FAM91A1: variants seen among roughly 807,000 people sequenced by gnomAD.
FAM91A1 encodes protein FAM91A1.
FAM91A1 carries 41 observed loss-of-function variants against 113.5 expected under a neutral mutation model. The observed-to-expected ratio is 0.36, with a 90% CI of 0.28 to 0.47. The LOEUF (loss-of-function observed/expected upper bound fraction) is 0.47. Among genes scored for constraint, FAM91A1 ranks in the 20% least tolerant of loss-of-function variants. FAM91A1 has a pLI of 1.00. For synonymous variants in FAM91A1, 307 were observed against 347.9 expected (o/e 0.88, Z 1.31); for missense variants, 696 against 1,001.2 (o/e 0.70, Z 4.11).
Position 123,789,736 on chromosome 8 carries a change from C to T in FAM91A1, c.1402C>T (p.Pro468Ser). 6.2e-7 allele frequency: 1 copy of T among 1,612,000 alleles called. No homozygotes were observed. The highest frequency in any genetic ancestry group is 8.5e-7 in the Non-Finnish European group (1 of 1,179,132). ...TGCGCAAACTGCACAGCCAGACCAA[C>T]CCAATTATGGTATGATAAATATATT... ...LVAQTAQPDQ[P>S]NYGFPLDLLR... The change falls in exon 15 of 24, where the codon CCC (proline) becomes TCC (serine). Residue 468 changes from proline (P) to serine (S), a missense_variant. Pro to Ser is a moderately conservative substitution (Grantham distance 74). Transcript: ENST00000334705.
Position 123,809,015 on chromosome 8 carries a change from A to T in FAM91A1, c.2260A>T (p.Ser754Cys). The change falls in exon 22 of 24, where the codon AGC (serine) becomes TGC (cysteine). Residue 754 changes from serine to cysteine, a missense_variant and splice_region_variant. Coordinates refer to ENST00000334705, the MANE Select transcript of FAM91A1 (RefSeq NM_144963.4). The stretch of plus-strand genomic sequence containing the variant: ...TGCACATGGCCTTTGCAGAAAAGAG[A>T]GGTGAGGGTTTATATTCGCTGTCAT... ...IAAHGLCRKE[S>C]LQNLLHSSRK... 6.2e-7 allele frequency: 1 copy of T among 1,611,496 alleles called. No individual in the cohort carries two copies. The highest frequency in any genetic ancestry group is 8.5e-7 in the Non-Finnish European group (1 of 1,178,484).
At chr8:123,785,455 C>T (rs758290767) in intron 10 of FAM91A1, among the ~76,000 whole-genome samples, 174 bp from the exon 11 acceptor site, 1 of 152,172 alleles carries the variant, frequency 6.6e-6, no homozygotes, top group East Asian at 1.9e-4. Flanking sequence ...ACATTCCCTC[C>T]TATACATTTA....
chr8:123,790,306 G>A (rs999536996), intron 15 of FAM91A1, among the ~76,000 whole-genome samples: 1 of 152,196 alleles, frequency 6.6e-6, no homozygotes, highest in African/African-American at 2.4e-5. Context: ...ATAGTTGGGG[G>A]TTCCCAAACT....
intron 2 of FAM91A1, among the ~76,000 whole-genome samples, chr8:123,774,861 G>A (rs1320723249): frequency 6.6e-6 from 1 of 152,088 alleles, no homozygotes; most frequent in African/African-American, 2.4e-5. Context: ...ATTCAATAAA[G>A]CTCTGTTTTG....
chr8:123,780,519 T>G lies in FAM91A1; in HGVS notation c.680T>G (p.Ile227Arg). 6.2e-7 allele frequency: 1 copy of G among 1,611,284 alleles called. No individual in the cohort carries two copies. The highest frequency in any genetic ancestry group is 1.1e-5 in the South Asian group (1 of 90,470). Residue 227 changes from isoleucine to arginine, a missense_variant, in exon 8 of 24, where the codon ATA becomes AGA. Coordinates refer to ENST00000334705, the MANE Select transcript of FAM91A1 (RefSeq NM_144963.4). ...GGATTTATTTATCTGGATGTACCAA[T>G]ATCTGATGACAGTTGTATAGCAGGT... is the stretch of plus-strand genomic sequence containing the variant. ...NKGFIYLDVPISDDSCIAVPP... is the reference protein window; with the variant it reads ...NKGFIYLDVPRSDDSCIAVPP...
At chr8:123,812,406 T>TAA in intron 23 of FAM91A1, 113 bp from the exon 24 acceptor site, 1 of 865,616 alleles carries the variant, frequency 1.2e-6, no homozygotes, top group Admixed American at 2.9e-5. Flanking sequence ...CCTGTACTGC[T>TAA]TTGCAATCCA....
chr8:123,780,041 A>G lies in FAM91A1; in HGVS notation c.606A>G (p.Gln202=), dbSNP rs764904538. 1.7e-5 allele frequency: 27 copies of G among 1,613,560 alleles called. No individual in the cohort carries two copies. The highest frequency in any genetic ancestry group is 1.3e-4 in the East Asian group (6 of 44,812). Residue 202 remains glutamine (Q), a synonymous_variant, in exon 7 of 24, where the codon CAA becomes CAG. Coordinates refer to ENST00000334705, the MANE Select transcript of FAM91A1 (RefSeq NM_144963.4). The part of the protein sequence containing the change: ...AVDKIIDSGP[Q]LSGSLDYNVV... Reference sequence around the variant, plus strand: ...ATAAGATCATCGATTCAGGCCCTCAACTCTCTGGATCACTAGATTACAATG... The same window carrying G: ...ATAAGATCATCGATTCAGGCCCTCAGCTCTCTGGATCACTAGATTACAATG...
At chr8:123,801,894 A>G (rs1008761920) in intron 18 of FAM91A1, among the ~76,000 whole-genome samples, 1 of 152,076 alleles carries the variant, frequency 6.6e-6, no homozygotes, top group Non-Finnish European at 1.5e-5. Context: ...TTTGTGGAAT[A>G]AATAAATAAG....
Position 123,806,236 on chromosome 8 carries a change from C to T in FAM91A1, c.2032+7C>T. 2 of 1,604,702 alleles carry T rather than the reference C, an allele frequency of 1.2e-6. No individual in the cohort carries two copies. The highest frequency in any genetic ancestry group is 1.7e-6 in the Non-Finnish European group (2 of 1,174,434). On this transcript the variant is annotated splice_region_variant and intron_variant, in intron 20 of 23. Transcript: ENST00000334705. The stretch of plus-strand genomic sequence containing the variant: ...GATGCTTCTGATGAGAGAGGTTAGC[C>T]AATAGTTGGATTCTTTGGATTAAGA...
chr8:123,811,741 A>C (rs963527283), intron 23 of FAM91A1, among the ~76,000 whole-genome samples: 28 of 152,126 alleles, frequency 1.8e-4, no homozygotes, highest in Non-Finnish European at 2.4e-4. Flanking sequence ...ATCTGAAATG[A>C]AGTGTCAGAT....
Position 123,777,245 on chromosome 8 carries a change from A to C in FAM91A1, c.310-20A>C. ...AAGGACATTTTAGATTTCAAATTTA[A>C]ATTTTTTTCTTTTTAAAAGGATATT... On this transcript the variant is annotated intron_variant, in intron 3 of 23. Transcript: ENST00000334705. 2 of 1,530,228 alleles carry C rather than the reference A, an allele frequency of 1.3e-6. No individual in the cohort carries two copies. Among genetic ancestry groups the C allele is most frequent in the Non-Finnish European group, 1.8e-6 (2 of 1,117,796 alleles). 94.8% of individuals were successfully genotyped at this position (1,530,228 alleles called of 1,614,324 possible).
At chr8:123,781,474 A>ATTT (rs35842167) in intron 8 of FAM91A1, among the ~76,000 whole-genome samples, 9 of 121,264 alleles carry the variant, frequency 7.4e-5, no homozygotes, top group Admixed American at 8.5e-5. Flanking sequence ...GCATATGTGA[A>ATTT]TTTTTTTTTT....
intron 1 of FAM91A1, among the ~76,000 whole-genome samples, chr8:123,770,239 C>T (rs1462812799): frequency 6.6e-6 from 1 of 152,236 alleles, no homozygotes; most frequent in East Asian, 1.9e-4. Context: ...GCGTGAGCCA[C>T]AGTGCCCAGC....
chr8:123,808,486 T>A, intron 21 of FAM91A1, 110 bp downstream of exon 21: 1 of 707,990 alleles, frequency 1.4e-6, no homozygotes, highest in Non-Finnish European at 2.2e-6. Context: ...ATACGACTTT[T>A]AAATAAGAGT....
rs377481498 is a variant in FAM91A1, at chr8:123,790,391, G to A, written c.1411+646G>A. 7.2e-5 allele frequency among the ~76,000 whole-genome samples: 11 copies of A among 152,236 alleles called. No homozygotes were observed. The East Asian group carries it at 1.2e-3, about 16-fold the overall frequency. ...TCAGTAGGTTTTGAGGTGTGGCATGGCACTCAGGAATGTGTGTTTTTTAAA... is the reference window on the plus strand; with the variant it reads ...TCAGTAGGTTTTGAGGTGTGGCATGACACTCAGGAATGTGTGTTTTTTAAA... On this transcript the variant is annotated intron_variant, in intron 15 of 23. Coordinates refer to ENST00000334705, the MANE Select transcript of FAM91A1 (RefSeq NM_144963.4).
chr8:123,797,375 G>A (rs1456975078), intron 15 of FAM91A1, among the ~76,000 whole-genome samples: 1 of 152,134 alleles, frequency 6.6e-6, no homozygotes, highest in Non-Finnish European at 1.5e-5. Flanking sequence ...AACTTACAGT[G>A]TGTTTACAGT....
chr8:123,785,727 C>T lies in FAM91A1; in HGVS notation c.948C>T (p.Ser316=), dbSNP rs373378220. The change falls in exon 11 of 24, where the codon TCC becomes TCT. Residue 316 remains serine (S), a synonymous_variant. Transcript: ENST00000334705. The part of the protein sequence containing the change: ...QLHSSWKNVP[S]VNRLKSTLDP... ...ATTCATCATGGAAGAATGTTCCATC[C>T]GTAAACAGATTAAAGTAACTTAAAT... The T allele has an allele frequency of 1.1e-4, 180 of 1,590,582 alleles. No homozygotes were observed. The highest frequency in any genetic ancestry group is 1.0e-3 in the African/African-American group (75 of 73,468).
rs1815085115 is a variant in FAM91A1 at position 123,780,148 on chromosome 8, T to C, written c.640+73T>C. On this transcript the variant is annotated intron_variant, in intron 7 of 23. Transcript: ENST00000334705. Reference sequence around the variant, plus strand: ...TAAACCATCAATAATTACTAGCAATTACTTATCAAGTAGGTACAAATAGTA... The same window carrying C: ...TAAACCATCAATAATTACTAGCAATCACTTATCAAGTAGGTACAAATAGTA... 4 of 1,266,684 alleles carry C rather than the reference T, an allele frequency of 3.2e-6. No homozygotes were observed. The South Asian group carries it at 3.8e-5, about 12-fold the overall frequency. 78.5% of individuals were successfully genotyped at this position (1,266,684 alleles called of 1,614,324 possible).
chr8:123,808,738 T>G (rs1384019901), intron 21 of FAM91A1, 155 bp from the exon 22 acceptor site: 2 of 663,712 alleles, frequency 3.0e-6, no homozygotes, highest in Admixed American at 6.4e-5. Context: ...CTGACCCCCT[T>G]CAATTTCTTC....
Sources: allele counts gnomAD v4.1 joint callset (sites outside exome capture counted in the v4.1 genomes callset), GRCh38; gene constraint gnomAD v4.1.1; transcripts MANE v1.5; gene names NCBI Gene and HGNC (gene_info 2026-07-23, HGNC 2026-07-21).